The following STK4 variants were observed in gnomAD, a reference collection of about 807,000 sequenced individuals.
STK4 encodes serine/threonine kinase 4.
STK4 carries 30 observed loss-of-function variants against 64.9 expected under a neutral mutation model. That is an observed-to-expected ratio of 0.46 (90% CI 0.35 to 0.63). The LOEUF (loss-of-function observed/expected upper bound fraction) is 0.63, where lower values mean the gene tolerates loss of function less well. Among genes scored for constraint, STK4 ranks in the 20% least tolerant of loss-of-function variants. The probability of loss-of-function intolerance (pLI) is 0.01; values close to 1 mark genes in which losing one functional copy is unlikely to be tolerated. For missense variants in STK4, 466 were observed against 598.5 expected (o/e 0.78, Z 2.31); for synonymous variants, 177 against 199.0 (o/e 0.89, Z 0.93).
intron 2 of STK4, chr20:44,974,919 G>A (rs1189190542): frequency 6.6e-6 from 1 of 152,202 alleles, no homozygotes; most frequent in Non-Finnish European, 1.5e-5. Flanking sequence ...CTGTGGCAGA[G>A]TAGAGCCAAA....
At chr20:45,024,850 C>T (rs1197970252) in intron 9 of STK4, 123 bp from the exon 10 acceptor site, 3 of 1,019,484 alleles carry the variant, frequency 2.9e-6, no homozygotes, top group Non-Finnish European at 3.8e-6. Context: ...TGAAGGAGTC[C>T]TTTATCTAAC....
rs192218223 is a variant in STK4 at position 44,968,421 on chromosome 20, G to A, written c.35+1818G>A. Among the ~76,000 whole-genome samples, 13 of 152,360 alleles carry A rather than the reference G, an allele frequency of 8.5e-5. No individual in the cohort carries two copies. The East Asian group carries it at 1.5e-3, about 18-fold the overall frequency. ...CAAAGTGGTGGGATTACAGGCGTGA[G>A]CCACCGGGCCCGGCCATGCTCTTAA... On this transcript the variant is annotated intron_variant, in intron 1 of 10. Transcript: ENST00000372806.
chr20:45,020,527 A>T (rs2068228902), intron 9 of STK4, among the ~76,000 whole-genome samples: 1 of 151,700 alleles, frequency 6.6e-6, no homozygotes, highest in Non-Finnish European at 1.5e-5. Flanking sequence ...AAACTGTGTC[A>T]GTTAGCTTTT....
At chr20:45,064,267 T>A (rs888202872) in intron 10 of STK4, among the ~76,000 whole-genome samples, 1 of 152,210 alleles carries the variant, frequency 6.6e-6, no homozygotes, top group East Asian at 1.9e-4. Flanking sequence ...CTTTCTGTTC[T>A]GTCCCACTGA....
intron 9 of STK4, among the ~76,000 whole-genome samples, chr20:45,008,699 G>GT (rs2067993570): frequency 6.6e-6 from 1 of 151,922 alleles, no homozygotes; most frequent in Non-Finnish European, 1.5e-5. Context: ...AGCATCTGTT[G>GT]TTTTCTGACC....
intron 2 of STK4, among the ~76,000 whole-genome samples, chr20:44,978,175 C>T (rs897555570): frequency 3.3e-5 from 5 of 152,130 alleles, no homozygotes; most frequent in Admixed American, 6.5e-5. Context: ...AGATAGCAGG[C>T]ATGCAGTGCA....
intron 10 of STK4, among the ~76,000 whole-genome samples, chr20:45,046,116 C>A (rs1332141794): frequency 1.3e-5 from 2 of 152,024 alleles, no homozygotes; most frequent in Admixed American, 6.5e-5. Flanking sequence ...CAGAAAATGT[C>A]ATTCTAACTA....
At position 45,042,290 on chromosome 20, in the gene STK4, C is replaced by T. The variant is rs79535014; in HGVS notation, c.1305+17160C>T. Among the ~76,000 whole-genome samples, 834 of 151,916 alleles carry T rather than the reference C, an allele frequency of 5.5e-3. 4 individuals carry two copies. The highest frequency in any genetic ancestry group is 0.018 in the African/African-American group (765 of 41,414). On this transcript the variant is annotated intron_variant, in intron 10 of 10. Coordinates refer to ENST00000372806, the MANE Select transcript of STK4 (RefSeq NM_006282.5). ...TTACCTCCTGTTTTTTTTTCTCACA[C>T]GAACTCTTGACAATTCAGTAATCCT...
intron 9 of STK4, among the ~76,000 whole-genome samples, chr20:45,001,955 G>A (rs2067849346): frequency 6.6e-6 from 1 of 152,096 alleles, no homozygotes; most frequent in Non-Finnish European, 1.5e-5. Flanking sequence ...AGTGCTCGTG[G>A]TGCTTTATGT....
At chr20:45,046,041 A>G (rs772488747) in intron 10 of STK4, among the ~76,000 whole-genome samples, 42 of 152,198 alleles carry the variant, frequency 2.8e-4, no homozygotes, top group Middle Eastern at 3.4e-3. Flanking sequence ...TCCTGACCTC[A>G]GGTGATCCGC....
intron 7 of STK4, among the ~76,000 whole-genome samples, chr20:44,999,566 G>A (rs1410000326): frequency 7.2e-5 from 11 of 152,130 alleles, no homozygotes; most frequent in Admixed American, 2.0e-4. Context: ...TTCTTATCAC[G>A]TGCTACAAAT....
intron 9 of STK4, among the ~76,000 whole-genome samples, chr20:45,014,241 A>G (rs928860685): frequency 4.6e-5 from 7 of 152,060 alleles, no homozygotes; most frequent in African/African-American, 1.7e-4. Flanking sequence ...CCTGACCAGC[A>G]TGGCGAAACC....
chr20:45,004,600 A>G (rs1053165509), intron 9 of STK4: 2 of 151,830 alleles, frequency 1.3e-5, no homozygotes, highest in African/African-American at 4.8e-5. Flanking sequence ...GGTAGATTGC[A>G]AAAGTTTTCT....
At chr20:45,002,995 T>TTTTAAGTA (rs949514310) in intron 9 of STK4, among the ~76,000 whole-genome samples, 1 of 152,096 alleles carries the variant, frequency 6.6e-6, no homozygotes. Context: ...TTATAATTGA[T>TTTTAAGTA]TTTAAGTATT....
chr20:45,059,376 T>C (rs1200850110), intron 10 of STK4, among the ~76,000 whole-genome samples: 1 of 152,204 alleles, frequency 6.6e-6, no homozygotes, highest in Non-Finnish European at 1.5e-5. Flanking sequence ...ATATGTGAAT[T>C]GCCAGCATCA....
intron 10 of STK4, among the ~76,000 whole-genome samples, chr20:45,033,732 A>G (rs2068483077): frequency 1.3e-5 from 2 of 151,788 alleles, no homozygotes; most frequent in Admixed American, 1.3e-4. Flanking sequence ...GGCACCTGCT[A>G]CTCTACCTGG....
intron 10 of STK4, among the ~76,000 whole-genome samples, chr20:45,028,910 G>A (rs1471594378): frequency 6.6e-6 from 1 of 152,024 alleles, no homozygotes; most frequent in Non-Finnish European, 1.5e-5. Flanking sequence ...TTTTTATTTT[G>A]GAAGTAGATG....
rs1980415669 is a variant in STK4, at chr20:45,075,160, G to A, written c.1448G>A (p.Arg483Gln). The A allele has an allele frequency of 7.4e-6, 12 of 1,613,682 alleles. No homozygotes were observed. The highest frequency in any genetic ancestry group is 4.5e-5 in the East Asian group (2 of 44,882). Residue 483 changes from arginine to glutamine, a missense_variant, in exon 11 of 11, where the codon CGG becomes CAG. Arg to Gln is a conservative substitution (Grantham distance 43, BLOSUM62 1). Transcript: ENST00000372806. Reference sequence around the variant, plus strand: ...GATGCCATAGAGGCTAAGAAGAGACGGCAACAAAACTTCTGAGCAAGGCCA... The same window carrying A: ...GATGCCATAGAGGCTAAGAAGAGACAGCAACAAAACTTCTGAGCAAGGCCA... ...ILDAIEAKKR[R>Q]QQNF
At chr20:45,009,644 A>T (rs1320519401) in intron 9 of STK4, among the ~76,000 whole-genome samples, 4 of 152,160 alleles carry the variant, frequency 2.6e-5, no homozygotes, top group Non-Finnish European at 4.4e-5. Context: ...TTTTAATTAT[A>T]TTGATTCTTC....
Sources: allele counts gnomAD v4.1 joint callset (sites outside exome capture counted in the v4.1 genomes callset), GRCh38; gene constraint gnomAD v4.1.1; transcripts MANE v1.5; gene names NCBI Gene and HGNC (gene_info 2026-07-23, HGNC 2026-07-21).